PDZRN4: variants seen among roughly 807,000 people sequenced by gnomAD.
The protein encoded by PDZRN4 is PDZ domain-containing RING finger protein 4.
In PDZRN4, 70 loss-of-function variants were observed where a neutral mutation model predicts 99.0. The observed-to-expected ratio is 0.71, with a 90% CI of 0.58 to 0.86. The LOEUF (loss-of-function observed/expected upper bound fraction) is 0.86, where lower values mean the gene tolerates loss of function less well. PDZRN4 is among the 40% of genes least tolerant of loss of function. PDZRN4 has a pLI of 0.00. For synonymous variants in PDZRN4, 551 were observed against 501.6 expected (o/e 1.10, Z -1.32); for missense variants, 1,474 against 1,331.2 (o/e 1.11, Z -1.67).
intron 3 of PDZRN4, among the ~76,000 whole-genome samples, chr12:41,213,952 T>G (rs1950903751): frequency 6.6e-6 from 1 of 151,952 alleles, no homozygotes; most frequent in Admixed American, 6.6e-5. Flanking sequence ...AGAGTTGTTA[T>G]CAAGATTAAA....
chr12:41,199,721 A>G (rs576854308), intron 3 of PDZRN4, among the ~76,000 whole-genome samples: 25 of 152,280 alleles, frequency 1.6e-4, no homozygotes, highest in African/African-American at 5.5e-4. Context: ...CGCAACATAG[A>G]TGGAACTAGA....
chr12:41,390,764 G>A (rs546783841), intron 3 of PDZRN4, among the ~76,000 whole-genome samples: 45 of 152,156 alleles, frequency 3.0e-4, no homozygotes, highest in African/African-American at 9.9e-4. Flanking sequence ...CTCCTGTGGT[G>A]CAAGCAATTT....
chr12:41,558,252 A>G (rs969004744), intron 7 of PDZRN4, among the ~76,000 whole-genome samples: 3 of 152,222 alleles, frequency 2.0e-5, no homozygotes, highest in African/African-American at 7.2e-5. Context: ...ATAGAGTAAA[A>G]TGCTCAGTGA....
chr12:41,247,794 G>A (rs1444599266), intron 3 of PDZRN4, among the ~76,000 whole-genome samples: 1 of 152,104 alleles, frequency 6.6e-6, no homozygotes, highest in Non-Finnish European at 1.5e-5. Flanking sequence ...TTTGTGCTTA[G>A]GGTAGCCAGT....
rs1483030767 is a variant in PDZRN4 at position 41,307,592 on chromosome 12, G to A, written c.843+113404G>A. On this transcript the variant is annotated intron_variant, in intron 3 of 9. Transcript: ENST00000402685. Reference sequence around the variant, plus strand: ...GATGAGGAGATCCTTACATGAAGAAGGAACTTTGGAGAGCCAGATTTTTTT... The same window carrying A: ...GATGAGGAGATCCTTACATGAAGAAAGAACTTTGGAGAGCCAGATTTTTTT... Among the ~76,000 whole-genome samples, 25 of 143,178 alleles carry A rather than the reference G, an allele frequency of 1.7e-4. No individual in the cohort carries two copies. In the Admixed American group the frequency reaches 1.8e-3, roughly 10 times the overall value. The allele number at this position is 143,178 out of a possible 152,430, so 93.9% of individuals were successfully genotyped here.
intron 3 of PDZRN4, among the ~76,000 whole-genome samples, chr12:41,366,546 C>A (rs577985371): frequency 6.6e-6 from 1 of 152,166 alleles, no homozygotes; most frequent in East Asian, 1.9e-4. Context: ...ATTGGATAAC[C>A]TATTTTTATA....
At chr12:41,250,591 C>G (rs554118853) in intron 3 of PDZRN4, among the ~76,000 whole-genome samples, 40 of 152,210 alleles carry the variant, frequency 2.6e-4, no homozygotes, top group African/African-American at 9.4e-4. Flanking sequence ...ACATTATTAA[C>G]TGGAGAAAAA....
chr12:41,491,673 A>T (rs984225050), intron 3 of PDZRN4, among the ~76,000 whole-genome samples: 1 of 152,182 alleles, frequency 6.6e-6, no homozygotes, highest in Non-Finnish European at 1.5e-5. Context: ...GCACAATTCT[A>T]AAAAAGACAA....
chr12:41,396,087 A>T (rs1249755621), intron 3 of PDZRN4, among the ~76,000 whole-genome samples: 1 of 152,180 alleles, frequency 6.6e-6, no homozygotes, highest in Admixed American at 6.6e-5. Context: ...CAGCAAAAAG[A>T]ACCCAGAAAG....
intron 3 of PDZRN4, among the ~76,000 whole-genome samples, chr12:41,247,161 C>T (rs1217337733): frequency 6.6e-6 from 1 of 152,004 alleles, no homozygotes; most frequent in East Asian, 1.9e-4. Flanking sequence ...TAATCATGGT[C>T]CAAGGTACAA....
At position 41,324,190 on chromosome 12, in the gene PDZRN4, T is replaced by A. The variant is rs1318560820; in HGVS notation, c.843+130002T>A. ...ATCTGATTTTTCCTTCCTTCATTCC[T>A]CTGCATGAGATTTTGCAGATACCAC... On this transcript the variant is annotated intron_variant, in intron 3 of 9. Coordinates refer to ENST00000402685, the MANE Select transcript of PDZRN4 (RefSeq NM_001164595.2). 2.0e-5 allele frequency among the ~76,000 whole-genome samples: 3 copies of A among 152,206 alleles called. No individual in the cohort carries two copies. In the East Asian group the frequency reaches 5.8e-4, roughly 29 times the overall value.
intron 3 of PDZRN4, among the ~76,000 whole-genome samples, chr12:41,375,297 C>T (rs1053918626): frequency 1.3e-5 from 2 of 152,134 alleles, no homozygotes; most frequent in African/African-American, 2.4e-5. Flanking sequence ...TGCTATTCAA[C>T]GAGAGCCAAT....
chr12:41,403,570 T>G (rs1305674434), intron 3 of PDZRN4, among the ~76,000 whole-genome samples: 1 of 152,190 alleles, frequency 6.6e-6, no homozygotes, highest in African/African-American at 2.4e-5. Context: ...AGCCAATAAA[T>G]GTACTAGAAA....
intron 3 of PDZRN4, among the ~76,000 whole-genome samples, chr12:41,487,210 A>C (rs1937794465): frequency 6.6e-6 from 1 of 152,108 alleles, no homozygotes; most frequent in African/African-American, 2.4e-5. Flanking sequence ...ACATTATCTC[A>C]GTGCCTAGAA....
At chr12:41,215,813 T>G (rs112138019) in intron 3 of PDZRN4, among the ~76,000 whole-genome samples, 3 of 151,314 alleles carry the variant, frequency 2.0e-5, no homozygotes, top group African/African-American at 7.3e-5. Flanking sequence ...CTACCACTTG[T>G]CTTTGAAAAA....
chr12:41,377,595 C>T (rs955124273), intron 3 of PDZRN4, among the ~76,000 whole-genome samples: 5 of 151,842 alleles, frequency 3.3e-5, no homozygotes, highest in South Asian at 4.2e-4. Flanking sequence ...ACCCAGGAGG[C>T]GGAGCTTGCA....
chr12:41,241,579 T>G (rs1566387465), intron 3 of PDZRN4, among the ~76,000 whole-genome samples: 1 of 152,180 alleles, frequency 6.6e-6, no homozygotes. Flanking sequence ...ATGGGGATAA[T>G]AACAAATACA....
chr12:41,389,383 A>G (rs1294891167), intron 3 of PDZRN4, among the ~76,000 whole-genome samples: 1 of 152,182 alleles, frequency 6.6e-6, no homozygotes, highest in East Asian at 1.9e-4. Flanking sequence ...ATTTGTAACA[A>G]AAGATGATCT....
chr12:41,553,500 A>C (rs1050840018), intron 6 of PDZRN4, among the ~76,000 whole-genome samples: 1 of 150,038 alleles, frequency 6.7e-6, no homozygotes, highest in Non-Finnish European at 1.5e-5. Context: ...AAGATTGCCT[A>C]TGGCCAGGAG....
Sources: gnomAD v4.1 joint callset for allele counts (sites outside exome capture counted in the v4.1 genomes callset) on GRCh38, gnomAD v4.1.1 for gene constraint, MANE v1.5 for transcripts, NCBI Gene and HGNC (gene_info 2026-07-23, HGNC 2026-07-21) for gene names.